ESRRB: variants seen among roughly 807,000 people sequenced by gnomAD.
The protein encoded by ESRRB is steroid hormone receptor ERR2.
Under a neutral mutation model 46.0 loss-of-function variants are expected in ESRRB, and 16 were observed. The observed-to-expected ratio is 0.35, with a 90% confidence interval of 0.24 to 0.53. The LOEUF (loss-of-function observed/expected upper bound fraction) is 0.53, where lower values mean the gene tolerates loss of function less well. Ranked by LOEUF, ESRRB falls within the 20% of genes least tolerant of loss-of-function variation. ESRRB has a pLI of 0.93. For synonymous variants in ESRRB, 246 were observed against 259.6 expected (o/e 0.95, Z 0.50); for missense variants, 488 against 607.4 (o/e 0.80, Z 2.07).
chr14:76,442,241 C>G (rs979768106), intron 2 of ESRRB, among the ~76,000 whole-genome samples: 1 of 152,074 alleles, frequency 6.6e-6, no homozygotes, highest in Non-Finnish European at 1.5e-5. Flanking sequence ...TTCAGGAAGC[C>G]GAGGAGGGTG....
intron 2 of ESRRB, among the ~76,000 whole-genome samples, chr14:76,459,098 G>C (rs1033041101): frequency 1.3e-5 from 2 of 152,166 alleles, no homozygotes; most frequent in Non-Finnish European, 2.9e-5. Flanking sequence ...GACTGCCTGG[G>C]CCTCCCAAAG....
intron 1 of ESRRB, among the ~76,000 whole-genome samples, chr14:76,328,097 AGAG>A (rs748325551): frequency 6.6e-6 from 1 of 152,292 alleles, no homozygotes; most frequent in Non-Finnish European, 1.5e-5. Flanking sequence ...CCAGAGCTAC[AGAG>A]GAGACCTCAA....
chr14:76,381,721 T>C (rs562117202), intron 1 of ESRRB, among the ~76,000 whole-genome samples: 9 of 152,240 alleles, frequency 5.9e-5, no homozygotes, highest in African/African-American at 2.2e-4. Context: ...AGAGCCAGCT[T>C]TGGGGAGGTG....
chr14:76,477,902 T>C (rs571677299), intron 3 of ESRRB, among the ~76,000 whole-genome samples: 11 of 152,344 alleles, frequency 7.2e-5, no homozygotes, highest in Admixed American at 3.3e-4. Context: ...GGGTCTTTTA[T>C]TGGGGAAATC....
At chr14:76,437,178 G>A (rs778369976) in intron 1 of ESRRB, among the ~76,000 whole-genome samples, 17 of 152,016 alleles carry the variant, frequency 1.1e-4, no homozygotes, top group African/African-American at 1.7e-4. Flanking sequence ...ACTACAGGCC[G>A]GCGCCACCAT....
At chr14:76,394,326 C>T (rs903032495) in intron 1 of ESRRB, among the ~76,000 whole-genome samples, 2 of 152,180 alleles carry the variant, frequency 1.3e-5, no homozygotes, top group East Asian at 1.9e-4. Context: ...CTGATGCTCA[C>T]GACAATAGTA....
At chr14:76,432,919 C>A (rs371166409) in intron 1 of ESRRB, among the ~76,000 whole-genome samples, 1 of 152,082 alleles carries the variant, frequency 6.6e-6, no homozygotes, top group African/African-American at 2.4e-5. Context: ...AAGTCATCTG[C>A]CCACCTTAGC....
chr14:76,439,894 T>C (rs560041598), intron 2 of ESRRB, 144 bp downstream of exon 2: 12 of 872,924 alleles, frequency 1.4e-5, no homozygotes, highest in Non-Finnish European at 1.9e-5. Context: ...GCCTTTTCCC[T>C]TGCTCAGGGC....
intron 1 of ESRRB, among the ~76,000 whole-genome samples, chr14:76,333,097 T>A (rs866555913): frequency 0.055 from 478 of 8,728 alleles, 112 homozygotes; most frequent in African/African-American, 0.12. Flanking sequence ...TATTATATAT[T>A]ATATATAATA....
intron 1 of ESRRB, among the ~76,000 whole-genome samples, chr14:76,313,706 G>A (rs1047966998): frequency 5.3e-5 from 8 of 152,142 alleles, no homozygotes; most frequent in Admixed American, 6.5e-5. Flanking sequence ...CAAAGACCAC[G>A]AGCAGCTTTT....
intron 1 of ESRRB, among the ~76,000 whole-genome samples, chr14:76,414,632 A>G (rs1253645401): frequency 1.4e-5 from 2 of 140,972 alleles, no homozygotes; most frequent in Admixed American, 1.4e-4. Flanking sequence ...CTTGATTATT[A>G]GTCATTACTT....
At chr14:76,456,442 G>A (rs1345754390) in intron 2 of ESRRB, among the ~76,000 whole-genome samples, 1 of 152,158 alleles carries the variant, frequency 6.6e-6, no homozygotes, top group African/African-American at 2.4e-5. Context: ...ATGGAGACAG[G>A]CTAGTGCAGG....
chr14:76,435,330 C>T (rs1322251151), intron 1 of ESRRB, among the ~76,000 whole-genome samples: 5 of 152,374 alleles, frequency 3.3e-5, no homozygotes, highest in African/African-American at 1.2e-4. Context: ...CCCCCATCAG[C>T]ATGGCACCCG....
chr14:76,462,190 T>C (rs1311040446), intron 2 of ESRRB, among the ~76,000 whole-genome samples: 1 of 150,480 alleles, frequency 6.6e-6, no homozygotes, highest in African/African-American at 2.4e-5. Context: ...GTGGTGGTAG[T>C]GGTGGTCTGC....
chr14:76,490,573 A>T (rs1890184374), intron 5 of ESRRB, among the ~76,000 whole-genome samples: 1 of 152,224 alleles, frequency 6.6e-6, no homozygotes, highest in East Asian at 1.9e-4. Context: ...CATGGTTTTC[A>T]CAAGTTCAGC....
At position 76,491,774 on chromosome 14, in the gene ESRRB, G is replaced by A; in HGVS notation, c.1120+58G>A. ...TTCTAGGGCTCTGCATGGGCCTAATGAGCCCATCCCTGGGGCCTGTGGGCA... is the reference window on the plus strand; with the variant it reads ...TTCTAGGGCTCTGCATGGGCCTAATAAGCCCATCCCTGGGGCCTGTGGGCA... On this transcript the variant is annotated intron_variant, in intron 6 of 6. Coordinates refer to ENST00000644823, the MANE Select transcript of ESRRB (RefSeq NM_001379180.1). 3.3e-6 allele frequency: 5 copies of A among 1,512,818 alleles called. 1 individual carries two copies. In the Admixed American group the frequency reaches 6.4e-5, roughly 19 times the overall value. The allele number at this position is 1,512,818 out of a possible 1,614,324, so 93.7% of individuals were successfully genotyped here. A position where few individuals can be genotyped will look rare whatever the true frequency, so the allele number is the denominator to read the frequency against.
intron 1 of ESRRB, among the ~76,000 whole-genome samples, chr14:76,436,167 T>C (rs1887666179): frequency 6.6e-6 from 1 of 152,126 alleles, no homozygotes. Context: ...AACCAAGGCT[T>C]GGGGAGCAAA....
chr14:76,462,497 G>A (rs1175734088), intron 2 of ESRRB, 48 bp from the exon 3 acceptor site: 1 of 1,457,396 alleles, frequency 6.9e-7, no homozygotes, highest in East Asian at 2.3e-5. Context: ...GGCAGGTGGG[G>A]GCCCTGGGCG....
intron 1 of ESRRB, among the ~76,000 whole-genome samples, chr14:76,428,566 A>T (rs1887298745): frequency 6.6e-6 from 1 of 152,102 alleles, no homozygotes. Context: ...GCATAAGGAC[A>T]CTTGACTGAG....
Sources: gnomAD v4.1 joint callset for allele counts (sites outside exome capture counted in the v4.1 genomes callset) on GRCh38, gnomAD v4.1.1 for gene constraint, MANE v1.5 for transcripts, NCBI Gene and HGNC (gene_info 2026-07-23, HGNC 2026-07-21) for gene names.